Variants in C21orf91 observed in about 807,000 individuals in gnomAD.
The protein encoded by C21orf91 is chromosome 21 open reading frame 91.
Under a neutral mutation model 32.9 loss-of-function variants are expected in C21orf91, and 26 were observed. The ratio of observed to expected loss-of-function variants is 0.79; its 90% CI spans 0.58 to 1.10. C21orf91 has a LOEUF of 1.10. Among genes scored for constraint, C21orf91 ranks in the 50% least tolerant of loss-of-function variants. The pLI is 0.00. For synonymous variants in C21orf91, 126 were observed against 120.4 expected (o/e 1.05, Z -0.31); for missense variants, 310 against 341.3 (o/e 0.91, Z 0.72).
At chr21:17,806,408 TAA>T (rs2062594110) in intron 2 of C21orf91, among the ~76,000 whole-genome samples, 1 of 152,206 alleles carries the variant, frequency 6.6e-6, no homozygotes, top group South Asian at 2.1e-4. Context: ...CTTTTTCTTT[TAA>T]AATGGGAGAC....
At chr21:17,798,601 G>C (rs1275071892) in intron 2 of C21orf91, among the ~76,000 whole-genome samples, 1 of 152,072 alleles carries the variant, frequency 6.6e-6, no homozygotes, top group Non-Finnish European at 1.5e-5. Context: ...TTTGCTCCTT[G>C]TACTGCAATT....
At chr21:17,809,594 T>C (rs1036592227) in intron 2 of C21orf91, among the ~76,000 whole-genome samples, 1 of 152,342 alleles carries the variant, frequency 6.6e-6, no homozygotes, top group Non-Finnish European at 1.5e-5. Flanking sequence ...CTTCAGAAAC[T>C]GGAAGGTGCT....
Position 17,802,597 on chromosome 21 carries a change from C to T in C21orf91, c.128-5479G>A, listed in dbSNP as rs534561254. Among the ~76,000 whole-genome samples the T allele has an allele frequency of 4.2e-4, 64 of 152,270 alleles. 1 individual carries two copies. Among genetic ancestry groups the T allele is most frequent in the Non-Finnish European group, 7.5e-4 (51 of 68,018 alleles). On this transcript the variant is annotated intron_variant, in intron 2 of 4. Transcript: ENST00000284881. ...CTCCAAATGGCACTAAAAAACCCCA[C>T]GAATATCAAAATGCTTAAAGTTCTA...
Position 17,791,814 on chromosome 21 carries a change from T to G in C21orf91, c.*1601A>C, listed in dbSNP as rs2062476438. ...GAATTGAGAGAAATCGAAAGCATCT[T>G]TCAAAAATTCCCTCCAAAAAGTAAT... On this transcript the variant is annotated 3_prime_UTR_variant, in exon 5 of 5. Transcript: ENST00000284881. The G allele has an allele frequency of 6.6e-6, 1 of 152,248 alleles. No homozygotes were observed. The highest frequency in any genetic ancestry group is 6.5e-5 in the Admixed American group (1 of 15,290). 9.4% of individuals were successfully genotyped at this position (152,248 alleles called of 1,614,324 possible).
At chr21:17,795,310 T>A (rs777233992) in intron 3 of C21orf91, 40 bp from the exon 4 acceptor site, 2 of 1,320,136 alleles carry the variant, frequency 1.5e-6, no homozygotes, top group East Asian at 2.3e-5. Flanking sequence ...CACAACAACC[T>A]AGGAAAACAT....
rs2146243305 is a variant in C21orf91 at position 17,793,181 on chromosome 21, A to C, written c.*234T>G. ...ATATTTAAGTAGTCACATGTGATAA[A>C]ATTTGTTTAGTAATTCTGGGAAAAA... On this transcript the variant is annotated 3_prime_UTR_variant, in exon 5 of 5. Coordinates refer to ENST00000284881, the MANE Select transcript of C21orf91 (RefSeq NM_001100420.2). 1 of 311,834 alleles carries C rather than the reference A, an allele frequency of 3.2e-6. No individual in the cohort carries two copies. The highest frequency in any genetic ancestry group is 5.1e-5 in the East Asian group (1 of 19,526). The allele number at this position is 311,834 out of a possible 1,614,324, so 19.3% of individuals were successfully genotyped here. A position where few individuals can be genotyped will look rare whatever the true frequency, so the allele number is the denominator to read the frequency against.
chr21:17,814,375 G>GTT (rs567288775), intron 2 of C21orf91, among the ~76,000 whole-genome samples: 25 of 152,326 alleles, frequency 1.6e-4, no homozygotes, highest in Middle Eastern at 3.4e-3. Context: ...GGTCAAGGCT[G>GTT]TAAGTATTTA....
chr21:17,795,122 T>A, intron 4 of C21orf91, 86 bp downstream of exon 4: 4 of 847,562 alleles, frequency 4.7e-6, no homozygotes, highest in Non-Finnish European at 8.2e-6. Flanking sequence ...AATTTAAATG[T>A]AGATAAAGCC....
At chr21:17,804,044 T>A (rs1440535008) in intron 2 of C21orf91, among the ~76,000 whole-genome samples, 1 of 152,184 alleles carries the variant, frequency 6.6e-6, no homozygotes, top group East Asian at 1.9e-4. Context: ...AGGCTCCAAA[T>A]CCATGTCCGG....
At chr21:17,801,160 T>C (rs1247067547) in intron 2 of C21orf91, among the ~76,000 whole-genome samples, 3 of 151,680 alleles carry the variant, frequency 2.0e-5, no homozygotes, top group Admixed American at 2.0e-4. Context: ...CAAATGCCCA[T>C]GAAAGATAGA....
At chr21:17,816,559 TG>T (rs1478931098) in intron 2 of C21orf91, among the ~76,000 whole-genome samples, 1 of 152,338 alleles carries the variant, frequency 6.6e-6, no homozygotes, top group African/African-American at 2.4e-5. Context: ...AGAACCAGAC[TG>T]CCAGGCTTTA....
intron 2 of C21orf91, chr21:17,808,862 T>C (rs1311310484): frequency 6.6e-6 from 1 of 152,188 alleles, no homozygotes; most frequent in African/African-American, 2.4e-5. Flanking sequence ...CAGGTTAAAT[T>C]GTAATCCCTA....
At chr21:17,795,004 CAA>C (rs56814896) in intron 4 of C21orf91, among the ~76,000 whole-genome samples, 57 of 104,484 alleles carry the variant, frequency 5.5e-4, no homozygotes, top group Non-Finnish European at 5.6e-4. Flanking sequence ...GATTCTGTCG[CAA>C]AAAAAAAAAA....
chr21:17,813,697 T>C (rs1308670576), intron 2 of C21orf91, among the ~76,000 whole-genome samples: 1 of 152,262 alleles, frequency 6.6e-6, no homozygotes, highest in African/African-American at 2.4e-5. Flanking sequence ...TTATACTTAC[T>C]GGTTGAGCAT....
intron 2 of C21orf91, among the ~76,000 whole-genome samples, chr21:17,816,545 T>C (rs1002670339): frequency 6.6e-6 from 1 of 152,226 alleles, no homozygotes; most frequent in African/African-American, 2.4e-5. Context: ...AGATCACATA[T>C]ACTAGAACCA....
At position 17,816,393 on chromosome 21, in the gene C21orf91, G is replaced by A. The variant is rs111350688; in HGVS notation, c.127+1799C>T. ...GGTTCTGTGGAAAAATTCGATCATG[G>A]CATGAACTCCATTAATGATGATTTG... On this transcript the variant is annotated intron_variant, in intron 2 of 4. Transcript: ENST00000284881. Among the ~76,000 whole-genome samples the A allele has an allele frequency of 7.3e-3, 1,118 of 152,282 alleles. 13 individuals carry two copies. The Middle Eastern group carries it at 0.075, about 10-fold the overall frequency.
intron 4 of C21orf91, 102 bp downstream of exon 4, chr21:17,795,106 T>C (rs767319494): frequency 3.7e-6 from 3 of 802,704 alleles, no homozygotes; most frequent in Non-Finnish European, 6.6e-6. Flanking sequence ...GAATATCTCA[T>C]TTCCAAATTT....
chr21:17,812,606 G>A (rs865872128), intron 2 of C21orf91, among the ~76,000 whole-genome samples: 13 of 152,224 alleles, frequency 8.5e-5, no homozygotes, highest in African/African-American at 3.1e-4. Context: ...TCAGGAGATC[G>A]AGACCATCCT....
chr21:17,810,395 T>C (rs2062624859), intron 2 of C21orf91: 1 of 152,250 alleles, frequency 6.6e-6, no homozygotes, highest in African/African-American at 2.4e-5. Context: ...TCTAAATATT[T>C]CTAAAATGTT....
Sources: gnomAD v4.1 joint callset for allele counts (sites outside exome capture counted in the v4.1 genomes callset) on GRCh38, gnomAD v4.1.1 for gene constraint, MANE v1.5 for transcripts, NCBI Gene and HGNC (gene_info 2026-07-23, HGNC 2026-07-21) for gene names.